The following B3GALT1 variants were observed in gnomAD, a reference collection of about 807,000 sequenced individuals.
The protein encoded by B3GALT1 is UDP-Gal:betaGlcNAc beta 1,3-galactosyltransferase, polypeptide 1.
B3GALT1 carries 10 observed loss-of-function variants against 23.2 expected under a neutral mutation model. The ratio of observed to expected loss-of-function variants is 0.43; its 90% CI spans 0.27 to 0.73. The LOEUF (loss-of-function observed/expected upper bound fraction) is 0.73, where lower values mean the gene tolerates loss of function less well. Among genes scored for constraint, B3GALT1 ranks in the 30% least tolerant of loss-of-function variants. The pLI is 0.21. For synonymous variants in B3GALT1, 156 were observed against 141.5 expected (o/e 1.10, Z -0.73); for missense variants, 299 against 405.4 (o/e 0.74, Z 2.25).
intron 3 of B3GALT1, among the ~76,000 whole-genome samples, chr2:167,790,520 A>T (rs1444801775): frequency 6.6e-6 from 1 of 152,180 alleles, no homozygotes; most frequent in Non-Finnish European, 1.5e-5. Context: ...TCGACACACA[A>T]CCACACGCTT....
rs536308389 is a variant in B3GALT1, at chr2:167,534,251, G to C, written c.-410+43974G>C. ...TTCTTTCCCTCTGGAATCTCATGTTGATGTAGGTTGGACCTGCATATTCTG... is the reference window on the plus strand; with the variant it reads ...TTCTTTCCCTCTGGAATCTCATGTTCATGTAGGTTGGACCTGCATATTCTG... On this transcript the variant is annotated intron_variant, in intron 2 of 4. Transcript: ENST00000392690. Among the ~76,000 whole-genome samples, 104 of 152,160 alleles carry C rather than the reference G, an allele frequency of 6.8e-4. 1 individual carries two copies. Among genetic ancestry groups the C allele is most frequent in the Non-Finnish European group, 1.4e-3 (94 of 67,998 alleles).
At chr2:167,471,531 G>T (rs1699418277) in intron 1 of B3GALT1, among the ~76,000 whole-genome samples, 2 of 152,158 alleles carry the variant, frequency 1.3e-5, no homozygotes, top group Admixed American at 6.6e-5. Flanking sequence ...CCCAGCTGAT[G>T]CAGAGTTTGG....
chr2:167,378,490 C>G (rs1326698591), intron 1 of B3GALT1, among the ~76,000 whole-genome samples: 8 of 151,932 alleles, frequency 5.3e-5, no homozygotes. Flanking sequence ...TAAATAATAC[C>G]ATATTTCTTA....
intron 2 of B3GALT1, among the ~76,000 whole-genome samples, chr2:167,511,148 A>C (rs1021469128): frequency 2.0e-5 from 3 of 152,182 alleles, no homozygotes; most frequent in African/African-American, 7.2e-5. Context: ...TATTGAAAAC[A>C]GCCAAATGAG....
intron 1 of B3GALT1, among the ~76,000 whole-genome samples, chr2:167,345,207 G>C (rs1463637945): frequency 6.6e-6 from 1 of 151,820 alleles, no homozygotes; most frequent in African/African-American, 2.4e-5. Context: ...TTTTCTATAA[G>C]TTGGCCATTG....
intron 1 of B3GALT1, among the ~76,000 whole-genome samples, chr2:167,447,027 C>T (rs150758356): frequency 6.1e-4 from 93 of 152,286 alleles, no homozygotes; most frequent in African/African-American, 2.1e-3. Flanking sequence ...TGGTGAGGTA[C>T]AGATGGGATT....
At chr2:167,865,096 G>A (rs1478266074) in intron 4 of B3GALT1, among the ~76,000 whole-genome samples, 2 of 151,862 alleles carry the variant, frequency 1.3e-5, no homozygotes, top group African/African-American at 2.4e-5. Context: ...AGAAAATCAC[G>A]CGGAAAAGTA....
At chr2:167,808,609 G>GC (rs1481554857) in intron 3 of B3GALT1, among the ~76,000 whole-genome samples, 1 of 151,522 alleles carries the variant, frequency 6.6e-6, no homozygotes, top group Non-Finnish European at 1.5e-5. Flanking sequence ...TTGAATGTTG[G>GC]CCCCCACTCT....
intron 2 of B3GALT1, among the ~76,000 whole-genome samples, chr2:167,600,422 A>C (rs1485595280): frequency 1.3e-5 from 2 of 152,352 alleles, no homozygotes; most frequent in African/African-American, 2.4e-5. Context: ...GATAAGATTC[A>C]GTGGTTTATA....
At chr2:167,333,079 T>A (rs570177567) in intron 1 of B3GALT1, among the ~76,000 whole-genome samples, 1 of 152,328 alleles carries the variant, frequency 6.6e-6, no homozygotes, top group African/African-American at 2.4e-5. Context: ...TTGAACCATG[T>A]GCATTTACTT....
intron 3 of B3GALT1, among the ~76,000 whole-genome samples, chr2:167,756,874 G>T (rs1687826282): frequency 6.6e-6 from 1 of 152,124 alleles, no homozygotes; most frequent in African/African-American, 2.4e-5. Context: ...ACACTCATCT[G>T]GTTTCATTCC....
intron 2 of B3GALT1, among the ~76,000 whole-genome samples, chr2:167,568,942 G>A (rs1007242040): frequency 3.9e-5 from 6 of 151,986 alleles, no homozygotes; most frequent in Admixed American, 3.9e-4. Context: ...TTTGCACGTG[G>A]ATGTGCAGTT....
In B3GALT1 at chr2:167,832,404, C is replaced by T. The variant is rs1689370698; in HGVS notation, c.-230+13611C>T. Among the ~76,000 whole-genome samples the T allele has an allele frequency of 2.6e-5, 4 of 152,172 alleles. No individual in the cohort carries two copies. The South Asian group carries it at 8.3e-4, about 32-fold the overall frequency. On this transcript the variant is annotated intron_variant, in intron 4 of 4. Coordinates refer to ENST00000392690, the MANE Select transcript of B3GALT1 (RefSeq NM_020981.4). ...ACACATGCCAGAAGAGGTGTACAAACCTCCCACTGTCAATCCCCCAGCAAA... is the reference window on the plus strand; with the variant it reads ...ACACATGCCAGAAGAGGTGTACAAATCTCCCACTGTCAATCCCCCAGCAAA...
intron 2 of B3GALT1, among the ~76,000 whole-genome samples, chr2:167,591,568 C>T (rs943070188): frequency 6.6e-6 from 1 of 152,134 alleles, no homozygotes; most frequent in Non-Finnish European, 1.5e-5. Context: ...CTCCTGGGCT[C>T]GAGCAATCCT....
chr2:167,391,970 C>T (rs983460143), intron 1 of B3GALT1, among the ~76,000 whole-genome samples: 1 of 152,108 alleles, frequency 6.6e-6, no homozygotes, highest in Non-Finnish European at 1.5e-5. Flanking sequence ...TTGAAAGTGA[C>T]TAAATAATGA....
chr2:167,829,525 G>A (rs1689300024), intron 4 of B3GALT1, among the ~76,000 whole-genome samples: 1 of 151,668 alleles, frequency 6.6e-6, no homozygotes, highest in Admixed American at 6.6e-5. Flanking sequence ...AAAAAAAATA[G>A]ATATCTAAAG....
At chr2:167,718,875 G>A (rs1402327100) in intron 3 of B3GALT1, among the ~76,000 whole-genome samples, 1 of 152,128 alleles carries the variant, frequency 6.6e-6, no homozygotes, top group African/African-American at 2.4e-5. Flanking sequence ...CTGCTTCAGG[G>A]GAGGACAACA....
intron 2 of B3GALT1, among the ~76,000 whole-genome samples, chr2:167,512,560 A>G (rs58191137): frequency 0.061 from 6,097 of 100,256 alleles, 758 homozygotes; most frequent in African/African-American, 0.23. Flanking sequence ...ATATATGTAT[A>G]TATATATGTA....
At position 167,680,245 on chromosome 2, in the gene B3GALT1, T is replaced by A. The variant is rs1285053785; in HGVS notation, c.-352+33279T>A. 2.0e-5 allele frequency among the ~76,000 whole-genome samples: 3 copies of A among 152,196 alleles called. No individual in the cohort carries two copies. The East Asian group carries it at 5.8e-4, about 29-fold the overall frequency. On this transcript the variant is annotated intron_variant, in intron 3 of 4. Transcript: ENST00000392690. ...CACGGAAGAGATTTATAAATATGCA[T>A]CAGTGATTTGGAGTCACCACGTTGC...
Sources: allele counts gnomAD v4.1 joint callset (sites outside exome capture counted in the v4.1 genomes callset), GRCh38; gene constraint gnomAD v4.1.1; transcripts MANE v1.5; gene names NCBI Gene and HGNC (gene_info 2026-07-23, HGNC 2026-07-21).